ZNF469: variants seen among roughly 807,000 people sequenced by gnomAD.
ZNF469 encodes the protein zinc finger protein 469.
ZNF469 carries 1 observed loss-of-function variant against 1.0 expected under a neutral mutation model. The ratio of observed to expected loss-of-function variants is 1.00; its 90% CI spans 0.35 to 4.73. The LOEUF (loss-of-function observed/expected upper bound fraction) is 4.73, where lower values mean the gene tolerates loss of function less well. Ranked by LOEUF, ZNF469 falls within the 30% of genes most tolerant of loss-of-function variation. The pLI is 0.16. For missense variants in ZNF469, 6,100 were observed against 5,356.3 expected, an observed-to-expected ratio of 1.14 and a Z score of -4.33; for synonymous variants, 2,703 against 2,363.4, an observed-to-expected ratio of 1.14 and a Z score of -4.17.
At chr16:88,200,905 C>A in the ZNF469 span, among the ~76,000 whole-genome samples, 7 of 152,378 alleles carry the variant, frequency 4.6e-5, no homozygotes, top group South Asian at 1.4e-3. Flanking sequence ...GCTCCCGCCA[C>A]AGGAGACTGG....
chr16:88,431,328 C>T lies in ZNF469; in HGVS notation c.3858C>T (p.Asn1286=), dbSNP rs1403861476. 10 of 1,549,584 alleles carry T rather than the reference C, an allele frequency of 6.5e-6. No homozygotes were observed. Among genetic ancestry groups the T allele is most frequent in the Non-Finnish European group, 7.8e-6 (9 of 1,146,618 alleles). Residue 1286 remains asparagine, a synonymous_variant, in exon 3 of 3, where the codon AAC becomes AAT. Coordinates refer to ENST00000565624, the MANE Select transcript of ZNF469 (RefSeq NM_001367624.2). ...GTPKPSGSLA[N]TAPHGSSPTP... is the part of the protein sequence containing the mutation. ...CCAAGCCGTCGGGAAGCCTCGCCAACACGGCGCCCCACGGAAGCTCGCCAA... is the reference window on the plus strand; with the variant it reads ...CCAAGCCGTCGGGAAGCCTCGCCAATACGGCGCCCCACGGAAGCTCGCCAA...
chr16:88,170,341 A>G, the ZNF469 span, among the ~76,000 whole-genome samples: 1 of 152,194 alleles, frequency 6.6e-6, no homozygotes, highest in South Asian at 2.1e-4. The surrounding 1 kb of genome is among the most constrained non-coding windows in gnomAD (Gnocchi z 4.2). Context: ...TACGCAATCG[A>G]TTATTCTGAA....
the ZNF469 span, among the ~76,000 whole-genome samples, chr16:88,288,651 A>G: frequency 6.6e-6 from 1 of 152,202 alleles, no homozygotes; most frequent in Non-Finnish European, 1.5e-5. Context: ...CTGGAGCTAG[A>G]CGGGACCCCT....
At chr16:88,172,293 G>A in the ZNF469 span, among the ~76,000 whole-genome samples, 1 of 152,326 alleles carries the variant, frequency 6.6e-6, no homozygotes, top group South Asian at 2.1e-4. Context: ...AAAGGAGCAG[G>A]CAGAACAATA....
the ZNF469 span, among the ~76,000 whole-genome samples, chr16:88,135,750 T>TTTA: frequency 6.5e-5 from 3 of 46,340 alleles, 1 homozygote; most frequent in Non-Finnish European, 3.3e-5. Flanking sequence ...CTGGCCATGT[T>TTTA]TTTTTTTTTT....
the ZNF469 span, among the ~76,000 whole-genome samples, chr16:88,341,918 A>C: frequency 6.6e-6 from 1 of 152,176 alleles, no homozygotes. Context: ...GAAGGCCGTG[A>C]GAAGGAGCTG....
chr16:88,326,788 G>A, the ZNF469 span, among the ~76,000 whole-genome samples: 3 of 152,212 alleles, frequency 2.0e-5, no homozygotes, highest in Admixed American at 6.5e-5. Flanking sequence ...TCCCTGGCCA[G>A]GGCAGCACTC....
intron 1 of ZNF469, among the ~76,000 whole-genome samples, chr16:88,412,820 C>G (rs976399862): frequency 6.6e-6 from 1 of 152,238 alleles, no homozygotes; most frequent in African/African-American, 2.4e-5. Context: ...ACTTGTTTTA[C>G]ATGAATTCTT....
chr16:88,260,203 G>A, the ZNF469 span, among the ~76,000 whole-genome samples: 31 of 151,450 alleles, frequency 2.0e-4, no homozygotes, highest in Admixed American at 5.9e-4. This position sits in a 1 kb window ranked among gnomAD's most constrained non-coding sequence, Gnocchi z 4.1. Context: ...TGGTCAGGCT[G>A]GTCTCACACT....
the ZNF469 span, among the ~76,000 whole-genome samples, chr16:88,227,567 C>T: frequency 5.4e-5 from 8 of 149,336 alleles, no homozygotes; most frequent in Admixed American, 3.3e-4. Flanking sequence ...TCCTGGCCCC[C>T]GGCCTGGCCC....
chr16:88,350,991 C>G, the ZNF469 span, among the ~76,000 whole-genome samples: 47 of 152,348 alleles, frequency 3.1e-4, no homozygotes, highest in South Asian at 2.9e-3. Flanking sequence ...TTCCAAGCCT[C>G]CAAGTGTGTG....
chr16:88,380,173 TCA>T (rs150057915), upstream of ZNF469, among the ~76,000 whole-genome samples: 15,557 of 121,396 alleles, frequency 0.13, 1,057 homozygotes, highest in Middle Eastern at 0.32. Flanking sequence ...AGACATGCAC[TCA>T]CACACAAATG....
the ZNF469 span, among the ~76,000 whole-genome samples, chr16:88,175,968 G>A: frequency 6.6e-6 from 1 of 152,194 alleles, no homozygotes; most frequent in African/African-American, 2.4e-5. Flanking sequence ...TCCTTCCTAA[G>A]TCATAGATGA....
At chr16:88,131,426 CTTTCCCTTCCCGGGGCCTGTTTGTTAGA>C in the ZNF469 span, among the ~76,000 whole-genome samples, 3 of 148,650 alleles carry the variant, frequency 2.0e-5, no homozygotes, top group African/African-American at 7.8e-5. Context: ...AACCTCTCGG[CTTTCCCTTCCCGGGGCCTGTTTGTTAGA>C]ACCTCTCGGC....
chr16:88,134,416 T>G, the ZNF469 span, among the ~76,000 whole-genome samples: 2 of 152,348 alleles, frequency 1.3e-5, no homozygotes, highest in Admixed American at 6.5e-5. Context: ...TCTGCGTGGT[T>G]GCACCACCAT....
At chr16:88,128,335 G>C in the ZNF469 span, among the ~76,000 whole-genome samples, 1 of 152,282 alleles carries the variant, frequency 6.6e-6, no homozygotes, top group South Asian at 2.1e-4. Context: ...CAAGGATGGC[G>C]TCTCTTGAGG....
At chr16:88,177,573 C>T in the ZNF469 span, 1 of 152,274 alleles carries the variant, frequency 6.6e-6, no homozygotes, top group Non-Finnish European at 1.5e-5. The surrounding 1 kb of genome is among the most constrained non-coding windows in gnomAD (Gnocchi z 4.8). Flanking sequence ...GCCCCTGACA[C>T]CGAAACCAGC....
chr16:88,225,909 C>T, the ZNF469 span, among the ~76,000 whole-genome samples: 1 of 152,202 alleles, frequency 6.6e-6, no homozygotes, highest in Non-Finnish European at 1.5e-5. Context: ...CTAAGACAGC[C>T]TCCCTGACAA....
chr16:88,428,819 C>T lies in ZNF469; in HGVS notation c.1349C>T (p.Thr450Ile). ...LWDPTAAPYP[T>I]PPGGPLAATR... ...GACCCCACAGCAGCCCCTTACCCCA[C>T]ACCTCCTGGGGGCCCCCTGGCTGCC... The change falls in exon 3 of 3, where the codon ACA (threonine) becomes ATA (isoleucine). Residue 450 changes from threonine (T) to isoleucine (I), a missense_variant. Transcript: ENST00000565624. The T allele has an allele frequency of 6.5e-7, 1 of 1,547,696 alleles. No individual in the cohort carries two copies. Among genetic ancestry groups the T allele is most frequent in the Non-Finnish European group, 8.7e-7 (1 of 1,146,238 alleles).
Sources: gnomAD v4.1 joint callset for allele counts (sites outside exome capture counted in the v4.1 genomes callset) on GRCh38, gnomAD v4.1.1 for gene constraint, Gnocchi (gnomAD v3.1) non-coding constraint, MANE v1.5 for transcripts, NCBI Gene and HGNC (gene_info 2026-07-23, HGNC 2026-07-21) for gene names.